Variants in SLC12A6 observed in about 807,000 individuals in gnomAD.
SLC12A6 encodes solute carrier family 12 member 6, also known as K-Cl cotransporter 3.
In SLC12A6, 66 loss-of-function variants were observed where a neutral mutation model predicts 135.3. The observed-to-expected ratio is 0.49, with a 90% confidence interval of 0.40 to 0.60. The LOEUF (loss-of-function observed/expected upper bound fraction) is 0.60, where lower values mean the gene tolerates loss of function less well. SLC12A6 is among the 20% of genes least tolerant of loss of function. SLC12A6 has a pLI of 0.00. For missense variants in SLC12A6, 1,058 were observed against 1,452.3 expected (o/e 0.73, Z 4.41); for synonymous variants, 513 against 508.8 (o/e 1.01, Z -0.11).
chr15:34,254,280 T>C (rs2140716190), intron 9 of SLC12A6, 68 bp downstream of exon 9: 1 of 1,472,868 alleles, frequency 6.8e-7, no homozygotes, highest in African/African-American at 1.4e-5. Context: ...GACTTAAAAT[T>C]ATCACACCAC....
chr15:34,243,081 C>T (rs748723823), intron 16 of SLC12A6, among the ~76,000 whole-genome samples: 3 of 151,488 alleles, frequency 2.0e-5, no homozygotes, highest in Non-Finnish European at 4.4e-5. Context: ...TTAGTAGAGA[C>T]GGGGTTTCCC....
chr15:34,295,727 G>A (rs896268955), intron 2 of SLC12A6, among the ~76,000 whole-genome samples: 6 of 152,206 alleles, frequency 3.9e-5, no homozygotes, highest in Admixed American at 6.5e-5. Flanking sequence ...GGCTGGGTGC[G>A]GTGGCTCACA....
At position 34,233,116 on chromosome 15, in the gene SLC12A6, T is replaced by C. The variant is rs1891045348; in HGVS notation, c.*765A>G. 6.6e-6 allele frequency: 1 copy of C among 152,294 alleles called. No individual in the cohort carries two copies. Among genetic ancestry groups the C allele is most frequent in the Non-Finnish European group, 1.5e-5 (1 of 68,102 alleles). 9.4% of individuals were successfully genotyped at this position (152,294 alleles called of 1,614,324 possible). ...TAGCTTCCTTTTGGAGTTCTCTTAG[T>C]TCGGCCATTTGAAAGGAACCTGAAA... On this transcript the variant is annotated 3_prime_UTR_variant, in exon 26 of 26. Transcript: ENST00000354181.
chr15:34,265,204 A>G (rs1270595461), intron 3 of SLC12A6, among the ~76,000 whole-genome samples: 1 of 152,220 alleles, frequency 6.6e-6, no homozygotes, highest in Non-Finnish European at 1.5e-5. Flanking sequence ...CTCAAAAAAA[A>G]GAGTATAGCT....
At chr15:34,246,996 A>G (rs1198823377) in intron 13 of SLC12A6, among the ~76,000 whole-genome samples, 6 of 152,168 alleles carry the variant, frequency 3.9e-5, no homozygotes, top group Admixed American at 3.9e-4. Context: ...CAAAGGGATC[A>G]ATATCTTAAA....
At position 34,252,252 on chromosome 15, in the gene SLC12A6, A is replaced by G; in HGVS notation, c.1251T>C (p.Asn417=). The G allele has an allele frequency of 6.2e-7, 1 of 1,607,876 alleles. No individual in the cohort carries two copies. The highest frequency in any genetic ancestry group is 8.5e-7 in the Non-Finnish European group (1 of 1,174,328). The change falls in exon 10 of 26, where the codon AAT becomes AAC. Residue 417 remains asparagine (N), a synonymous_variant. Transcript: ENST00000354181. Reference sequence around the variant, plus strand: ...GAACAAAGTATTCATCACAGGTGGCATTGAAAAATTGACTCGAGTTACAGA... The same window carrying G: ...GAACAAAGTATTCATCACAGGTGGCGTTGAAAAATTGACTCGAGTTACAGA... The part of the protein sequence containing the change: ...GFFCNSSQFF[N]ATCDEYFVHN...
In SLC12A6 at chr15:34,273,817, T is replaced by A. The variant is rs573609703; in HGVS notation, c.316+1528A>T. Among the ~76,000 whole-genome samples the A allele has an allele frequency of 2.2e-3, 334 of 151,736 alleles. 1 individual carries two copies. The highest frequency in any genetic ancestry group is 7.6e-3 in the African/African-American group (316 of 41,466). ...TCACTTACACTGAAGGAAGTATAAA[T>A]AAAAAACTAGAGATGCCATTTTCAC... On this transcript the variant is annotated intron_variant, in intron 3 of 25. Coordinates refer to ENST00000354181, the MANE Select transcript of SLC12A6 (RefSeq NM_001365088.1).
At chr15:34,292,940 A>T (rs1895641448) in intron 2 of SLC12A6, among the ~76,000 whole-genome samples, 1 of 152,168 alleles carries the variant, frequency 6.6e-6, no homozygotes, top group South Asian at 2.1e-4. Flanking sequence ...TTGGCTAGGA[A>T]AGGGAAATCC....
chr15:34,338,044 C>T (rs990419286), upstream of SLC12A6: 1 of 152,034 alleles, frequency 6.6e-6, no homozygotes, highest in Non-Finnish European at 1.5e-5. Flanking sequence ...CGCCGCAGCC[C>T]GCGGTGACCG....
At chr15:34,256,335 T>G in intron 6 of SLC12A6, 52 bp from the exon 7 acceptor site, 5 of 1,226,894 alleles carry the variant, frequency 4.1e-6, no homozygotes, top group Non-Finnish European at 6.0e-6. Flanking sequence ...ATGACATTTC[T>G]ATACTACTTC....
chr15:34,326,242 G>A (rs1377300624), intron 2 of SLC12A6, among the ~76,000 whole-genome samples: 1 of 152,100 alleles, frequency 6.6e-6, no homozygotes, highest in Non-Finnish European at 1.5e-5. Context: ...CAACCAAAGA[G>A]GGTAGCACTG....
intron 2 of SLC12A6, among the ~76,000 whole-genome samples, chr15:34,296,686 G>A (rs894996048): frequency 1.3e-5 from 2 of 152,158 alleles, no homozygotes; most frequent in African/African-American, 4.8e-5. Flanking sequence ...CGTTGCTAAT[G>A]CAGCAGAGTT....
At chr15:34,306,758 ATCTGTG>A (rs1357836924) in intron 2 of SLC12A6, among the ~76,000 whole-genome samples, 1 of 152,260 alleles carries the variant, frequency 6.6e-6, no homozygotes, top group African/African-American at 2.4e-5. Context: ...AAGTCCAAAC[ATCTGTG>A]GACTGCATTG....
At chr15:34,278,001 A>C (rs1475669465) in intron 2 of SLC12A6, among the ~76,000 whole-genome samples, 1 of 152,250 alleles carries the variant, frequency 6.6e-6, no homozygotes, top group Non-Finnish European at 1.5e-5. Flanking sequence ...ACAAGGTATG[A>C]TAGGCTAAAA....
intron 22 of SLC12A6, 52 bp downstream of exon 22, chr15:34,237,367 G>C (rs373699705): frequency 2.1e-5 from 32 of 1,549,654 alleles, no homozygotes; most frequent in Non-Finnish European, 2.3e-5. Flanking sequence ...AAGGAAGACA[G>C]GGAGAGGAAT....
chr15:34,331,032 ACT>A (rs1174882646), intron 2 of SLC12A6, among the ~76,000 whole-genome samples: 1 of 144,740 alleles, frequency 6.9e-6, no homozygotes, highest in Non-Finnish European at 1.5e-5. Context: ...ACAGAGTGAG[ACT>A]CTGTCTCAAA....
In SLC12A6 at chr15:34,292,056, G is replaced by A. The variant is rs1895574385; in HGVS notation, c.272-16667C>T. Among the ~76,000 whole-genome samples the A allele has an allele frequency of 2.0e-5, 3 of 152,320 alleles. No homozygotes were observed. The South Asian group carries it at 6.2e-4, about 32-fold the overall frequency. On this transcript the variant is annotated intron_variant, in intron 2 of 25. Coordinates refer to ENST00000354181, the MANE Select transcript of SLC12A6 (RefSeq NM_001365088.1). ...TGAGGAGTTGTGTTTCTTTGGAGAA[G>A]AAGAGGCATTCTGGTTTTTGGAATT...
intron 10 of SLC12A6, among the ~76,000 whole-genome samples, chr15:34,251,869 T>C (rs187304223): frequency 1.4e-4 from 22 of 152,316 alleles, no homozygotes; most frequent in East Asian, 1.9e-4. Flanking sequence ...AGGAAGAACA[T>C]TGGCAATTTT....
rs779858045 is a variant in SLC12A6, at chr15:34,291,238, T to C, written c.272-15849A>G. Among the ~76,000 whole-genome samples, 50 of 152,216 alleles carry C rather than the reference T, an allele frequency of 3.3e-4. 1 individual carries two copies. Among genetic ancestry groups the C allele is most frequent in the Non-Finnish European group, 3.1e-4 (21 of 68,026 alleles). The stretch of plus-strand genomic sequence containing the variant: ...AAGGATTTTATTTCTCCTTCACTTA[T>C]GAAGCTTAGTTTGGCTGGATATGAA... On this transcript the variant is annotated intron_variant, in intron 2 of 25. Transcript: ENST00000354181.
Sources: gnomAD v4.1 joint callset for allele counts (sites outside exome capture counted in the v4.1 genomes callset) on GRCh38, gnomAD v4.1.1 for gene constraint, MANE v1.5 for transcripts, NCBI Gene and HGNC (gene_info 2026-07-23, HGNC 2026-07-21) for gene names.